Variants in TENM3 observed in about 807,000 individuals in gnomAD.
TENM3 encodes teneurin-3.
In TENM3, 63 loss-of-function variants were observed where a neutral mutation model predicts 255.1. The observed-to-expected ratio is 0.25, with a 90% confidence interval of 0.20 to 0.30. The LOEUF is 0.30. Ranked by LOEUF, TENM3 falls within the 10% of genes least tolerant of loss-of-function variation. TENM3 has a pLI of 1.00. For missense variants in TENM3, 2,929 were observed against 3,461.1 expected, an observed-to-expected ratio of 0.85 and a Z score of 3.86; for synonymous variants, 1,306 against 1,322.3, an observed-to-expected ratio of 0.99 and a Z score of 0.27.
chr4:182,621,823 TA>T (rs1750303768), intron 4 of TENM3, among the ~76,000 whole-genome samples: 4 of 121,058 alleles, frequency 3.3e-5, no homozygotes, highest in African/African-American at 1.3e-4. Flanking sequence ...TATATATATA[TA>T]TTAGCCAGAT....
At chr4:181,845,843 G>C in the TENM3 span, among the ~76,000 whole-genome samples, 3 of 152,206 alleles carry the variant, frequency 2.0e-5, no homozygotes, top group African/African-American at 7.2e-5. Flanking sequence ...CCTGAATCCT[G>C]TTTAAACTGG....
intron 12 of TENM3, among the ~76,000 whole-genome samples, chr4:182,690,522 C>T (rs986927461): frequency 4.6e-5 from 7 of 152,090 alleles, no homozygotes; most frequent in Non-Finnish European, 8.8e-5. Flanking sequence ...CTCCACCACC[C>T]GATACCCGAT....
chr4:181,699,472 A>AAAT, the TENM3 span, among the ~76,000 whole-genome samples: 1 of 133,000 alleles, frequency 7.5e-6, no homozygotes, highest in African/African-American at 3.0e-5. Flanking sequence ...AAAAAAAAAA[A>AAAT]GAAAGAAAGA....
chr4:182,710,022 G>A (rs1004232207), intron 12 of TENM3, among the ~76,000 whole-genome samples: 12 of 152,088 alleles, frequency 7.9e-5, no homozygotes, highest in African/African-American at 2.9e-4. Flanking sequence ...TGATTCTGTT[G>A]GCAAAAATAA....
At chr4:182,264,094 C>T (rs746128583) in intron 1 of TENM3, among the ~76,000 whole-genome samples, 1 of 152,178 alleles carries the variant, frequency 6.6e-6, no homozygotes, top group African/African-American at 2.4e-5. Flanking sequence ...CTCTCTCTCT[C>T]TGTGCAAATG....
intron 12 of TENM3, among the ~76,000 whole-genome samples, chr4:182,703,848 T>G (rs1758072572): frequency 6.6e-6 from 1 of 152,196 alleles, no homozygotes; most frequent in Non-Finnish European, 1.5e-5. Flanking sequence ...AAAGTGGCAA[T>G]TACAGACAAA....
intron 3 of TENM3, among the ~76,000 whole-genome samples, chr4:182,496,202 G>T (rs963869202): frequency 6.6e-6 from 1 of 152,144 alleles, no homozygotes; most frequent in Non-Finnish European, 1.5e-5. Context: ...TTTGAAGTGG[G>T]TTAGTATTAC....
At chr4:181,597,388 G>A in the TENM3 span, among the ~76,000 whole-genome samples, 18 of 152,110 alleles carry the variant, frequency 1.2e-4, no homozygotes, top group Non-Finnish European at 2.1e-4. Flanking sequence ...AACTCAGCAC[G>A]TCTACTTTTA....
chr4:181,616,321 A>G, the TENM3 span, among the ~76,000 whole-genome samples: 3 of 116,348 alleles, frequency 2.6e-5, no homozygotes, highest in Non-Finnish European at 5.7e-5. Context: ...GAATACACAC[A>G]CACACACACA....
intron 1 of TENM3, among the ~76,000 whole-genome samples, chr4:182,170,712 G>GA (rs897534250): frequency 6.0e-4 from 91 of 151,512 alleles, no homozygotes; most frequent in African/African-American, 2.1e-3. Flanking sequence ...CAAGTAAAAA[G>GA]AAAAAAAACC....
chr4:181,726,979 T>C, the TENM3 span, among the ~76,000 whole-genome samples: 2 of 152,194 alleles, frequency 1.3e-5, no homozygotes, highest in Non-Finnish European at 2.9e-5. Flanking sequence ...AGGATGCAGA[T>C]GGAGAGATGC....
chr4:182,012,763 C>T, the TENM3 span: 5 of 152,134 alleles, frequency 3.3e-5, no homozygotes, highest in African/African-American at 1.2e-4. Context: ...GGTGGATTGT[C>T]ACAAGGATCA....
the TENM3 span, among the ~76,000 whole-genome samples, chr4:181,563,297 A>T: frequency 6.6e-6 from 1 of 152,216 alleles, no homozygotes; most frequent in African/African-American, 2.4e-5. Flanking sequence ...CGGCTTGTAG[A>T]AGCCTCACTC....
At chr4:181,702,488 A>G in the TENM3 span, among the ~76,000 whole-genome samples, 1 of 152,200 alleles carries the variant, frequency 6.6e-6, no homozygotes, top group Non-Finnish European at 1.5e-5. Flanking sequence ...TACTTAGTAC[A>G]GGGGAAAACC....
At chr4:181,627,797 A>G in the TENM3 span, among the ~76,000 whole-genome samples, 1 of 152,254 alleles carries the variant, frequency 6.6e-6, no homozygotes, top group East Asian at 1.9e-4. Flanking sequence ...AATAAACATT[A>G]AGTGTGCATG....
intron 3 of TENM3, among the ~76,000 whole-genome samples, chr4:182,520,544 C>G (rs1045213221): frequency 6.6e-6 from 1 of 152,146 alleles, no homozygotes; most frequent in African/African-American, 2.4e-5. Context: ...CACATATTAG[C>G]TTTTTCAAAA....
intron 3 of TENM3, among the ~76,000 whole-genome samples, chr4:182,450,429 G>C (rs1487231956): frequency 6.6e-6 from 1 of 151,982 alleles, no homozygotes; most frequent in African/African-American, 2.4e-5. Flanking sequence ...GGACTCCCAG[G>C]TATTAAAATG....
chr4:181,463,545 G>T, the TENM3 span, among the ~76,000 whole-genome samples: 1 of 152,090 alleles, frequency 6.6e-6, no homozygotes, highest in African/African-American at 2.4e-5. Context: ...TAAAATAGTA[G>T]GCATTCAATA....
rs1468216646 is a variant in TENM3 at position 182,652,485 on chromosome 4, C to T, written c.989-1286C>T. On this transcript the variant is annotated intron_variant, in intron 5 of 27. Coordinates refer to ENST00000511685, the MANE Select transcript of TENM3 (RefSeq NM_001080477.4). The stretch of plus-strand genomic sequence containing the variant: ...CCTGTCTAGAATCTTCTGGCCTACA[C>T]CTTCTCACCTGAGCTTAAATTAAAT... Among the ~76,000 whole-genome samples, 4 of 152,198 alleles carry T rather than the reference C, an allele frequency of 2.6e-5. No homozygotes were observed. In the East Asian group the frequency reaches 7.7e-4, roughly 29 times the overall value.
Sources: allele counts gnomAD v4.1 joint callset (sites outside exome capture counted in the v4.1 genomes callset), GRCh38; gene constraint gnomAD v4.1.1; transcripts MANE v1.5; gene names NCBI Gene and HGNC (gene_info 2026-07-23, HGNC 2026-07-21).